CYRIA: variants seen among roughly 807,000 people sequenced by gnomAD.
CYRIA encodes CYFIP related Rac1 interactor A.
Under a neutral mutation model 43.9 loss-of-function variants are expected in CYRIA, and 15 were observed. The ratio of observed to expected loss-of-function variants is 0.34; its 90% confidence interval spans 0.23 to 0.53. The LOEUF (loss-of-function observed/expected upper bound fraction) is 0.53, where lower values mean the gene tolerates loss of function less well. Among genes scored for constraint, CYRIA ranks in the 20% least tolerant of loss-of-function variants. The pLI is 0.94. For missense variants in CYRIA, 236 were observed against 394.2 expected, an observed-to-expected ratio of 0.60 and a Z score of 3.40; for synonymous variants, 117 against 136.0, an observed-to-expected ratio of 0.86 and a Z score of 0.97.
chr2:16,556,738 A>G (rs539613039), intron 10 of CYRIA, among the ~76,000 whole-genome samples: 1 of 152,068 alleles, frequency 6.6e-6, no homozygotes, highest in Non-Finnish European at 1.5e-5. Context: ...GGGCAGTGAG[A>G]GCCCCTGAGG....
chr2:16,615,439 T>C (rs1205889596), intron 2 of CYRIA, among the ~76,000 whole-genome samples: 1 of 152,208 alleles, frequency 6.6e-6, no homozygotes. Context: ...AAAGTTTACA[T>C]TGTAACCAGG....
chr2:16,620,305 T>C (rs1472740999), intron 2 of CYRIA, among the ~76,000 whole-genome samples: 1 of 152,218 alleles, frequency 6.6e-6, no homozygotes, highest in Admixed American at 6.5e-5. Flanking sequence ...ATAGTTTAAG[T>C]TTTTGCCAGC....
intron 1 of CYRIA, among the ~76,000 whole-genome samples, chr2:16,632,626 C>T (rs1313786921): frequency 2.0e-5 from 3 of 152,210 alleles, no homozygotes; most frequent in Non-Finnish European, 2.9e-5. Context: ...GCCAGACACA[C>T]TTTCACAAAG....
At chr2:16,569,595 A>G (rs955944822) in intron 3 of CYRIA, among the ~76,000 whole-genome samples, 3 of 152,208 alleles carry the variant, frequency 2.0e-5, no homozygotes, top group African/African-American at 7.2e-5. Flanking sequence ...CAGGGGACTC[A>G]AATCACAAGT....
At chr2:16,647,502 C>G (rs1411000645) in intron 1 of CYRIA, among the ~76,000 whole-genome samples, 3 of 152,136 alleles carry the variant, frequency 2.0e-5, no homozygotes, top group Non-Finnish European at 4.4e-5. Flanking sequence ...AGATTAGACC[C>G]AGCCCAGAGC....
intron 1 of CYRIA, among the ~76,000 whole-genome samples, chr2:16,633,656 C>A (rs1357502409): frequency 7.0e-6 from 1 of 142,508 alleles, no homozygotes; most frequent in African/African-American, 2.6e-5. Flanking sequence ...GCTGGGATTA[C>A]AGGCATGAGC....
chr2:16,655,987 C>T (rs755845320), intron 1 of CYRIA, among the ~76,000 whole-genome samples: 7 of 152,022 alleles, frequency 4.6e-5, no homozygotes, highest in Admixed American at 6.5e-5. Flanking sequence ...TGGTGGTTAC[C>T]GGTCCTTGAA....
chr2:16,643,930 C>T (rs752152837), intron 1 of CYRIA, among the ~76,000 whole-genome samples: 15 of 152,214 alleles, frequency 9.9e-5, no homozygotes, highest in Non-Finnish European at 1.9e-4. Context: ...AAGCACAGTG[C>T]CTGCAGACAT....
intron 3 of CYRIA, among the ~76,000 whole-genome samples, chr2:16,576,978 A>G (rs957003113): frequency 2.0e-5 from 3 of 152,214 alleles, no homozygotes; most frequent in Admixed American, 2.0e-4. Context: ...AGTCATAGAA[A>G]CAGAGAGTGG....
At chr2:16,557,613 G>A (rs564723123) in intron 10 of CYRIA, among the ~76,000 whole-genome samples, 2 of 152,196 alleles carry the variant, frequency 1.3e-5, no homozygotes, top group East Asian at 1.9e-4. Flanking sequence ...AGAGGTACAC[G>A]CAAACATCCA....
chr2:16,557,711 C>T (rs1434995647), intron 10 of CYRIA, among the ~76,000 whole-genome samples: 1 of 152,126 alleles, frequency 6.6e-6, no homozygotes, highest in Admixed American at 6.5e-5. Flanking sequence ...ACATGATATA[C>T]TGTTTACAGC....
intron 1 of CYRIA, among the ~76,000 whole-genome samples, chr2:16,656,828 T>C (rs1670126612): frequency 6.6e-6 from 1 of 152,212 alleles, no homozygotes; most frequent in South Asian, 2.1e-4. Context: ...AAGCAGCCAG[T>C]GAGACCTCGT....
intron 1 of CYRIA, among the ~76,000 whole-genome samples, chr2:16,665,228 T>G (rs1033552569): frequency 6.6e-6 from 1 of 152,044 alleles, no homozygotes; most frequent in African/African-American, 2.4e-5. Context: ...GGTTCTGGGT[T>G]CTGGGGGAGG....
At chr2:16,593,542 G>A (rs1345912938) in intron 2 of CYRIA, among the ~76,000 whole-genome samples, 3 of 152,042 alleles carry the variant, frequency 2.0e-5, no homozygotes, top group Admixed American at 1.3e-4. Flanking sequence ...GTTTGTGATA[G>A]AGGCCTCAGG....
intron 1 of CYRIA, among the ~76,000 whole-genome samples, chr2:16,654,199 G>A (rs1670044525): frequency 6.6e-6 from 1 of 152,170 alleles, no homozygotes; most frequent in African/African-American, 2.4e-5. Flanking sequence ...CACCAAGCAA[G>A]CCAAAATGTT....
chr2:16,617,537 C>G (rs750759134), intron 2 of CYRIA, among the ~76,000 whole-genome samples: 1 of 152,244 alleles, frequency 6.6e-6, no homozygotes, highest in African/African-American at 2.4e-5. Context: ...AACATTGTAG[C>G]TGTGCCAGAG....
At chr2:16,557,684 C>A (rs113248997) in intron 10 of CYRIA, among the ~76,000 whole-genome samples, 409 of 152,268 alleles carry the variant, frequency 2.7e-3, no homozygotes, top group African/African-American at 8.6e-3. Flanking sequence ...TTCATCAAGA[C>A]TATGCGTGAA....
chr2:16,598,811 C>T (rs1387699342), intron 2 of CYRIA, among the ~76,000 whole-genome samples: 2 of 122,386 alleles, frequency 1.6e-5, no homozygotes, highest in African/African-American at 4.1e-5. Context: ...AGGTGCTCTG[C>T]GTTTTAGAGT....
intron 2 of CYRIA, among the ~76,000 whole-genome samples, chr2:16,614,817 C>T (rs2103496815): frequency 6.6e-6 from 1 of 152,350 alleles, no homozygotes; most frequent in East Asian, 1.9e-4. Context: ...CTCTCCACAG[C>T]TGCCTTTTCT....
Sources: allele counts gnomAD v4.1 joint callset (sites outside exome capture counted in the v4.1 genomes callset), GRCh38; gene constraint gnomAD v4.1.1; transcripts MANE v1.5; gene names NCBI Gene and HGNC (gene_info 2026-07-23, HGNC 2026-07-21).